NGLY1: variants seen among roughly 807,000 people sequenced by gnomAD.
NGLY1 encodes the protein peptide-N(4)-(N-acetyl-beta-glucosaminyl)asparagine amidase.
In NGLY1, 68 loss-of-function variants were observed where a neutral mutation model predicts 84.6. That is an observed-to-expected ratio of 0.80 (90% confidence interval 0.66 to 0.98). The LOEUF (loss-of-function observed/expected upper bound fraction) is 0.98. Ranked by LOEUF, NGLY1 falls within the 50% of genes least tolerant of loss-of-function variation. NGLY1 has a pLI of 0.00. For missense variants in NGLY1, 779 were observed against 770.2 expected (o/e 1.01, Z -0.14); for synonymous variants, 280 against 275.2 (o/e 1.02, Z -0.17).
intron 6 of NGLY1, 198 bp from the exon 7 acceptor site, chr3:25,736,347 T>A (rs1216740882): frequency 1.3e-6 from 2 of 1,551,504 alleles, no homozygotes; most frequent in South Asian, 2.4e-5. Context: ...CTTAAAAATG[T>A]TTTTCCAATC....
chr3:25,770,817 A>G (rs1425556671), intron 2 of NGLY1, among the ~76,000 whole-genome samples: 1 of 152,026 alleles, frequency 6.6e-6, no homozygotes, highest in Non-Finnish European at 1.5e-5. Context: ...GATGTTGAAC[A>G]TTTTTTCATG....
intron 4 of NGLY1, chr3:25,749,944 CAAAA>C (rs3080321): frequency 3.7e-3 from 1,746 of 474,064 alleles, no homozygotes; most frequent in Middle Eastern, 6.0e-3. Flanking sequence ...TAAAAACTGC[CAAAA>C]AAAAAAAAAA....
rs144632813 is a variant in NGLY1, at chr3:25,754,356, G to A, written c.493-3093C>T. ...GGGAAGGAAAAGACCATTCCTGTCA[G>A]AAGGAACAGCACAAAGGTAGATGGG... On this transcript the variant is annotated intron_variant, in intron 3 of 11. Transcript: ENST00000280700. Among the ~76,000 whole-genome samples the A allele has an allele frequency of 4.2e-3, 641 of 152,332 alleles. 6 individuals are homozygous for A. Among genetic ancestry groups the A allele is most frequent in the African/African-American group, 0.015 (616 of 41,570 alleles).
Position 25,783,244 on chromosome 3 carries a change from C to CT in NGLY1, c.131+15_131+16insA. ...ACCCACCCCGGTACCCGCCGTCCGA[C>CT]CCCGTTGCCCTGCACCTGAGGATGT... On this transcript the variant is annotated intron_variant, in intron 1 of 11. Coordinates refer to ENST00000280700, the MANE Select transcript of NGLY1 (RefSeq NM_018297.4). The surrounding 1 kb of genome is among the most constrained non-coding windows in gnomAD (Gnocchi z 4.5). The CT allele has an allele frequency of 6.2e-7, 1 of 1,603,952 alleles. No individual in the cohort carries two copies. Among genetic ancestry groups the CT allele is most frequent in the Non-Finnish European group, 8.5e-7 (1 of 1,173,648 alleles).
Position 25,783,265 on chromosome 3 carries a change from G to A in NGLY1, c.126C>T (p.Ile42=), listed in dbSNP as rs565048300. 1.2e-6 allele frequency: 2 copies of A among 1,609,950 alleles called. No individual in the cohort carries two copies. The highest frequency in any genetic ancestry group is 2.3e-5 in the East Asian group (1 of 44,264). The part of the protein sequence containing the change: ...SKLLLTYADN[I]LRNPNDEKYR... Reference sequence around the variant, plus strand: ...CCGACCCCGTTGCCCTGCACCTGAGGATGTTGTCAGCATAGGTGAGCAGCA... The same window carrying A: ...CCGACCCCGTTGCCCTGCACCTGAGAATGTTGTCAGCATAGGTGAGCAGCA... Residue 42 remains isoleucine (I), a synonymous_variant, in exon 1 of 12, where the codon ATC becomes ATT. Transcript: ENST00000280700. The surrounding 1 kb of genome is among the most constrained non-coding windows in gnomAD (Gnocchi z 4.5).
chr3:25,767,514 C>A (rs189913176), intron 2 of NGLY1, among the ~76,000 whole-genome samples: 4 of 152,168 alleles, frequency 2.6e-5, no homozygotes, highest in East Asian at 3.9e-4. Context: ...GTGGAGGGGG[C>A]AGGTATGGCT....
At chr3:25,774,149 G>T (rs902552958) in intron 2 of NGLY1, among the ~76,000 whole-genome samples, 3 of 152,362 alleles carry the variant, frequency 2.0e-5, no homozygotes, top group Admixed American at 6.5e-5. Flanking sequence ...GGTTAGCCAG[G>T]ATGTTACAGG....
chr3:25,783,342 C>T lies in NGLY1; in HGVS notation c.49G>A (p.Val17Met), dbSNP rs766151819. The change falls in exon 1 of 12, where the codon GTG (valine) becomes ATG (methionine). Residue 17 changes from valine (V) to methionine (M), a missense_variant. By Grantham distance (21) the Val-to-Met change is conservative (BLOSUM62 1). Transcript: ENST00000280700. This position sits in a 1 kb window ranked among gnomAD's most constrained non-coding sequence, Gnocchi z 4.5. ...GSSSGSASPA[V>M]AELCQNTPET... is the part of the protein sequence containing the mutation. ...GGGGTGTTCTGGCAGAGCTCAGCCA[C>T]GGCCGGGGACGCCGAGCCTGAGGAG... 3 of 1,578,818 alleles carry T rather than the reference C, an allele frequency of 1.9e-6. No homozygotes were observed. Among genetic ancestry groups the T allele is most frequent in the East Asian group, 4.7e-5 (2 of 42,568 alleles).
In NGLY1 at chr3:25,720,094, C is replaced by G. The variant is rs1704906682; in HGVS notation, c.1709G>C (p.Arg570Thr). 1 of 1,613,736 alleles carries G rather than the reference C, an allele frequency of 6.2e-7. No individual in the cohort carries two copies. Among genetic ancestry groups the G allele is most frequent in the Non-Finnish European group, 8.5e-7 (1 of 1,179,796 alleles). Reference protein sequence around the residue: ...VGLKVDSISIRTSSQTFQTGT... With the variant: ...VGLKVDSISITTSSQTFQTGT... ...AGTCTGAAAAGTTTGACTACTTGTT[C>G]TAATAGAAATGCTATCTACTTTTAG... The change falls in exon 11 of 12, where the codon AGA becomes ACA. Residue 570 changes from arginine to threonine, a missense_variant. Arg to Thr is a moderately conservative substitution (Grantham distance 71). Transcript: ENST00000280700.
chr3:25,744,917 G>A (rs902923262), intron 4 of NGLY1, among the ~76,000 whole-genome samples: 6 of 152,154 alleles, frequency 3.9e-5, no homozygotes, highest in Admixed American at 1.3e-4. Flanking sequence ...CTAGGTCTTT[G>A]ATGATAGCTC....
chr3:25,752,724 A>G (rs900498584), intron 3 of NGLY1, among the ~76,000 whole-genome samples: 1 of 151,864 alleles, frequency 6.6e-6, no homozygotes, highest in African/African-American at 2.4e-5. Context: ...TAAGGTGGGT[A>G]GATCGTTTGA....
chr3:25,763,035 G>A (rs1369894713), intron 3 of NGLY1, among the ~76,000 whole-genome samples: 2 of 152,110 alleles, frequency 1.3e-5, no homozygotes, highest in South Asian at 2.1e-4. Context: ...TGAGGCACGA[G>A]AATCACTTCA....
At chr3:25,785,057 C>T (rs747598875), upstream of NGLY1, among the ~76,000 whole-genome samples, 1 of 143,832 alleles carries the variant, frequency 7.0e-6, no homozygotes, top group Non-Finnish European at 1.5e-5. Context: ...TGTTGCTCCA[C>T]AGACAATACT....
rs530806232 is a variant in NGLY1, at chr3:25,765,324, G to A, written c.247-1013C>T. Among the ~76,000 whole-genome samples the A allele has an allele frequency of 9.3e-4, 142 of 152,234 alleles. 1 individual carries two copies. Among genetic ancestry groups the A allele is most frequent in the African/African-American group, 3.3e-3 (139 of 41,552 alleles). ...AAAATACAAAAATAAGCTGGGCATGGTGGCGGGTGCCTGTAATCCCAGCTA... is the reference window on the plus strand; with the variant it reads ...AAAATACAAAAATAAGCTGGGCATGATGGCGGGTGCCTGTAATCCCAGCTA... On this transcript the variant is annotated intron_variant, in intron 2 of 11. Coordinates refer to ENST00000280700, the MANE Select transcript of NGLY1 (RefSeq NM_018297.4).
At chr3:25,778,455 C>A in intron 2 of NGLY1, 119 bp downstream of exon 2, 1 of 518,578 alleles carries the variant, frequency 1.9e-6, no homozygotes, top group South Asian at 4.1e-5. Flanking sequence ...ATAACTACTT[C>A]TACTGATTCC....
intron 2 of NGLY1, among the ~76,000 whole-genome samples, chr3:25,771,014 G>C (rs1053165574): frequency 6.6e-6 from 1 of 152,140 alleles, no homozygotes; most frequent in African/African-American, 2.4e-5. Context: ...TAACTCTGCT[G>C]ATTATTTCTT....
At chr3:25,721,905 GCA>G (rs1343168824) in intron 10 of NGLY1, among the ~76,000 whole-genome samples, 2 of 151,234 alleles carry the variant, frequency 1.3e-5, no homozygotes, top group Non-Finnish European at 2.9e-5. Context: ...CTCTCTGGGG[GCA>G]CAGTTTCTGG....
chr3:25,769,082 G>C (rs947594719), intron 2 of NGLY1, among the ~76,000 whole-genome samples: 2 of 151,896 alleles, frequency 1.3e-5, no homozygotes, highest in Non-Finnish European at 1.5e-5. Context: ...AAAAGAGGCC[G>C]GCGCATTGGC....
At chr3:25,773,055 G>A (rs1030830641) in intron 2 of NGLY1, among the ~76,000 whole-genome samples, 1 of 152,160 alleles carries the variant, frequency 6.6e-6, no homozygotes, top group African/African-American at 2.4e-5. Context: ...CTAAGAGCTT[G>A]TAAGATTATT....
Sources: gnomAD v4.1 joint callset for allele counts (sites outside exome capture counted in the v4.1 genomes callset) on GRCh38, gnomAD v4.1.1 for gene constraint, Gnocchi (gnomAD v3.1) non-coding constraint, MANE v1.5 for transcripts, NCBI Gene and HGNC (gene_info 2026-07-23, HGNC 2026-07-21) for gene names.